Variants in F11 observed in about 807,000 individuals in gnomAD.
The protein encoded by F11 is coagualtion factor XI.
F11 carries 78 observed loss-of-function variants against 76.5 expected under a neutral mutation model. The observed-to-expected ratio is 1.02, with a 90% CI of 0.85 to 1.23. The LOEUF (loss-of-function observed/expected upper bound fraction) is 1.23, where lower values mean the gene tolerates loss of function less well. Among genes scored for constraint, F11 ranks in the 50% most tolerant of loss-of-function variants. The pLI, the probability that F11 is intolerant of heterozygous loss-of-function variation, is 0.00. For missense variants in F11, 742 were observed against 771.4 expected, an observed-to-expected ratio of 0.96 and a Z score of 0.45; for synonymous variants, 278 against 276.3, an observed-to-expected ratio of 1.01 and a Z score of -0.06.
chr4:186,272,430 T>C (rs917727397), intron 3 of F11, among the ~76,000 whole-genome samples: 3 of 152,170 alleles, frequency 2.0e-5, no homozygotes, highest in Admixed American at 6.5e-5. Context: ...TTACCAAGAG[T>C]CACTCACTGC....
intron 5 of F11, chr4:186,275,225 T>G: frequency 4.4e-6 from 2 of 455,152 alleles, no homozygotes; most frequent in Non-Finnish European, 8.8e-6. Context: ...GCGCGGTGGC[T>G]CACACCTGTA....
intron 10 of F11, chr4:186,283,148 C>T: frequency 4.2e-6 from 3 of 710,944 alleles, no homozygotes; most frequent in Non-Finnish European, 5.2e-6. Context: ...GAGTCAGAAT[C>T]TGCATTTTGA....
At chr4:186,267,113 C>T in intron 1 of F11, 23 bp from the exon 2 acceptor site, 4 of 1,479,316 alleles carry the variant, frequency 2.7e-6, no homozygotes, top group Non-Finnish European at 2.8e-6. Context: ...GTTCTAAAAG[C>T]ATGCACCTTT....
At position 186,285,633 on chromosome 4, in the gene F11, C is replaced by T. The variant is rs375998777; in HGVS notation, c.1305-5C>T. The T allele has an allele frequency of 6.9e-5, 111 of 1,613,800 alleles. No individual in the cohort carries two copies. The African/African-American group carries it at 1.2e-3, about 18-fold the overall frequency. On this transcript the variant is annotated splice_polypyrimidine_tract_variant and splice_region_variant and intron_variant, in intron 11 of 14. Transcript: ENST00000403665. Reference sequence around the variant, plus strand: ...ATTTCTTTCCCTCTGTTGTTTGCTCCTTAGGGTAGAGTCACCTAAGATTTT... The same window carrying T: ...ATTTCTTTCCCTCTGTTGTTTGCTCTTTAGGGTAGAGTCACCTAAGATTTT...
chr4:186,278,469 A>G (rs1258262159), intron 7 of F11, among the ~76,000 whole-genome samples: 1 of 152,214 alleles, frequency 6.6e-6, no homozygotes, highest in Non-Finnish European at 1.5e-5. Flanking sequence ...TAGTGAACTA[A>G]ATCGACAAAA....
intron 13 of F11, among the ~76,000 whole-genome samples, chr4:186,287,438 G>T (rs1172263800): frequency 2.0e-5 from 3 of 151,388 alleles, no homozygotes; most frequent in Admixed American, 2.0e-4. Flanking sequence ...ACAAAAATTA[G>T]CTGGGCATGG....
rs777115417 is a variant in F11 at position 186,287,759 on chromosome 4, G to A, written c.1652G>A (p.Gly551Glu). ...GAAGAGTGCCAGAAGAGATACAGAG[G>A]ACATAAAATAACCCATAAGATGATC... is the stretch of plus-strand genomic sequence containing the variant. The part of the protein sequence containing the change: ...TNEECQKRYR[G>E]HKITHKMICA... Residue 551 changes from glycine to glutamate, a missense_variant, in exon 14 of 15, where the codon GGA becomes GAA. Physicochemically the swap from Gly to Glu is moderately conservative, Grantham distance 98. Coordinates refer to ENST00000403665, the MANE Select transcript of F11 (RefSeq NM_000128.4). The A allele has an allele frequency of 4.5e-5, 72 of 1,613,570 alleles. No homozygotes were observed. Among genetic ancestry groups the A allele is most frequent in the Non-Finnish European group, 5.7e-5 (67 of 1,179,786 alleles).
chr4:186,280,732 C>G (rs1740737075), intron 10 of F11, 152 bp downstream of exon 10: 1 of 706,766 alleles, frequency 1.4e-6, no homozygotes, highest in African/African-American at 1.8e-5. Flanking sequence ...TCCTGTCACT[C>G]AAGCTGACCA....
chr4:186,283,110 G>T, intron 10 of F11: 1 of 895,002 alleles, frequency 1.1e-6, no homozygotes, highest in Non-Finnish European at 1.3e-6. Context: ...TTGTTAGAAA[G>T]AATTTCAGGA....
rs562119725 is a variant in F11 at position 186,289,599 on chromosome 4, G to T, written c.*985G>T. 5.3e-5 allele frequency among the ~76,000 whole-genome samples: 8 copies of T among 152,020 alleles called. No homozygotes were observed. In the South Asian group the frequency reaches 1.7e-3, roughly 32 times the overall value. On this transcript the variant is annotated 3_prime_UTR_variant, in exon 15 of 15. Coordinates refer to ENST00000403665, the MANE Select transcript of F11 (RefSeq NM_000128.4). ...CAAATATTTATCTCATTATTGTTGT[G>T]ATCTAGTTCAATAACCTAGAATTTG... is the stretch of plus-strand genomic sequence containing the variant.
rs764546608 is a variant in F11, at chr4:186,274,174, A to G, written c.384A>G (p.Ser128=). 1 of 1,614,222 alleles carries G rather than the reference A, an allele frequency of 6.2e-7. No homozygotes were observed. The highest frequency in any genetic ancestry group is 8.5e-7 in the Non-Finnish European group (1 of 1,180,036). The change falls in exon 5 of 15, where the codon TCA becomes TCG. Residue 128 remains serine (S), a synonymous_variant. Transcript: ENST00000403665. ...TGAAGGGCATAAACTATAACAGCTC[A>G]GTTGCCAAGAGTGCTCAAGAATGCC... ...LDMKGINYNS[S]VAKSAQECQE...
intron 1 of F11, among the ~76,000 whole-genome samples, chr4:186,266,777 T>A (rs1273467246): frequency 6.6e-6 from 1 of 151,468 alleles, no homozygotes; most frequent in Non-Finnish European, 1.5e-5. Flanking sequence ...AGGAAAAAAA[T>A]TGGGAAAGGA....
intron 2 of F11, among the ~76,000 whole-genome samples, chr4:186,268,438 A>T (rs1200293828): frequency 6.6e-6 from 1 of 152,202 alleles, no homozygotes; most frequent in Non-Finnish European, 1.5e-5. Flanking sequence ...ATACATGCAC[A>T]TGGAACATTT....
intron 14 of F11, among the ~76,000 whole-genome samples, chr4:186,288,134 G>T (rs899171332): frequency 6.6e-6 from 1 of 151,726 alleles, no homozygotes; most frequent in African/African-American, 2.4e-5. Flanking sequence ...GGATGGTCTC[G>T]ATCTCCTGAC....
rs773735877 is a variant in F11 at position 186,273,159 on chromosome 4, T to C, written c.307T>C (p.Cys103Arg). The C allele has an allele frequency of 1.2e-6, 2 of 1,613,506 alleles. No individual in the cohort carries two copies. Among genetic ancestry groups the C allele is most frequent in the South Asian group, 1.1e-5 (1 of 91,072 alleles). Residue 103 changes from cysteine (C) to arginine (R), a missense_variant, in exon 4 of 15, where the codon TGC (cysteine) becomes CGC (arginine). Cys to Arg is a radical substitution (Grantham distance 180). Coordinates refer to ENST00000403665, the MANE Select transcript of F11 (RefSeq NM_000128.4). ...AAISGYSFKQ[C>R]SHQISACNKD... ...GATTTCTGGGTATTCTTTCAAGCAA[T>C]GCTCACACCAAATAAGCGGTAAGAT...
Position 186,280,285 on chromosome 4 carries a change from G to GCTGCAAAAAGTCACGAGGC in F11, c.933_951dup (p.Gln318LysfsTer47). The GCTGCAAAAAGTCACGAGGC allele has an allele frequency of 6.2e-7, 1 of 1,614,148 alleles. No individual in the cohort carries two copies. The highest frequency in any genetic ancestry group is 8.5e-7 in the Non-Finnish European group (1 of 1,180,038). ...CTTGGGAGAAGAACTGGATATTGTT[G>GCTGCAAAAAGTCACGAGGC]CTGCAAAAAGTCACGAGGCCTGCCA... On this transcript the variant is annotated frameshift_variant, in exon 9 of 15. Transcript: ENST00000403665. LOFTEE classifies it high-confidence loss of function.
intron 2 of F11, 83 bp downstream of exon 2, chr4:186,267,274 A>G (rs1739579672): frequency 5.6e-6 from 5 of 887,150 alleles, no homozygotes; most frequent in South Asian, 5.3e-5. Context: ...ATCCCACACC[A>G]TTTATGCCGG....
chr4:186,274,072 C>T (rs778469694), intron 4 of F11, 44 bp from the exon 5 acceptor site: 6 of 1,612,370 alleles, frequency 3.7e-6, no homozygotes, highest in Non-Finnish European at 5.1e-6. Context: ...GGTCATTGCC[C>T]CTAGAATCTG....
At chr4:186,290,480 C>T (rs1561494694), downstream of F11, among the ~76,000 whole-genome samples, 1 of 152,150 alleles carries the variant, frequency 6.6e-6, no homozygotes, top group Non-Finnish European at 1.5e-5. Flanking sequence ...AGACTGGAAG[C>T]AACACTTCAC....
Sources: allele counts gnomAD v4.1 joint callset (sites outside exome capture counted in the v4.1 genomes callset), GRCh38; gene constraint gnomAD v4.1.1; transcripts MANE v1.5; gene names NCBI Gene and HGNC (gene_info 2026-07-23, HGNC 2026-07-21).